UNC13A: variants seen among roughly 807,000 people sequenced by gnomAD.
UNC13A encodes the protein unc-13 homolog A.
In UNC13A, 61 loss-of-function variants were observed where a neutral mutation model predicts 219.7. The ratio of observed to expected loss-of-function variants is 0.28; its 90% CI spans 0.23 to 0.34. The LOEUF (loss-of-function observed/expected upper bound fraction) is 0.34, where lower values mean the gene tolerates loss of function less well. Ranked by LOEUF, UNC13A falls within the 10% of genes least tolerant of loss-of-function variation. UNC13A has a pLI of 1.00. For synonymous variants in UNC13A, 920 were observed against 884.6 expected, an observed-to-expected ratio of 1.04 and a Z score of -0.71; for missense variants, 1,476 against 2,270.3, an observed-to-expected ratio of 0.65 and a Z score of 7.11.
At chr19:17,661,563 G>A (rs1159726672) in intron 8 of UNC13A, among the ~76,000 whole-genome samples, 2 of 151,712 alleles carry the variant, frequency 1.3e-5, no homozygotes, top group Non-Finnish European at 2.9e-5. Flanking sequence ...GCATAGTGGC[G>A]TGCACCTGTA....
chr19:17,674,607 G>T lies in UNC13A; in HGVS notation c.152+50C>A, dbSNP rs367973055. The T allele has an allele frequency of 3.3e-4, 504 of 1,549,816 alleles. 3 individuals are homozygous for T. The African/African-American group carries it at 5.7e-3, about 18-fold the overall frequency. On this transcript the variant is annotated intron_variant, in intron 3 of 43. Coordinates refer to ENST00000519716, the MANE Select transcript of UNC13A (RefSeq NM_001080421.3). This position sits in a 1 kb window ranked among gnomAD's most constrained non-coding sequence, Gnocchi z 5.0. ...AGCTCTGCCCTGAGGGGCCAGCGAG[G>T]TGCTGGGCTATGCCAGGGAGTGAGG...
intron 17 of UNC13A, 112 bp downstream of exon 17, chr19:17,647,153 G>A (rs2077035884): frequency 3.9e-6 from 4 of 1,019,948 alleles, no homozygotes; most frequent in Non-Finnish European, 4.3e-6. Flanking sequence ...GAATGCACCC[G>A]ACCGAGTGAG....
At chr19:17,639,614 G>C in intron 23 of UNC13A, 89 bp from the exon 24 acceptor site, 1 of 1,410,116 alleles carries the variant, frequency 7.1e-7, no homozygotes, top group Non-Finnish European at 9.8e-7. Flanking sequence ...AAGGCTCCCC[G>C]GTTTCAGGCT....
chr19:17,646,233 G>T, intron 17 of UNC13A, 122 bp from the exon 18 acceptor site: 3 of 1,358,524 alleles, frequency 2.2e-6, no homozygotes, highest in Admixed American at 2.2e-5. Flanking sequence ...GAGAGCAATG[G>T]CAGGGCACGC....
At chr19:17,673,505 CAACATGGTGA>C (rs1482926952) in intron 3 of UNC13A, among the ~76,000 whole-genome samples, 1 of 151,418 alleles carries the variant, frequency 6.6e-6, no homozygotes, top group African/African-American at 2.4e-5. Flanking sequence ...CCAGCCTGGC[CAACATGGTGA>C]AACCCGGTCT....
At chr19:17,668,226 C>G in intron 5 of UNC13A, 36 bp from the exon 6 acceptor site, 1 of 1,592,666 alleles carries the variant, frequency 6.3e-7, no homozygotes, top group East Asian at 2.2e-5. Context: ...CCTGGAAGAC[C>G]CTCCCTGCCG....
rs1177216835 is a variant in UNC13A at position 17,620,716 on chromosome 19, C to T, written c.4249G>A (p.Val1417Met). 1 of 1,612,860 alleles carries T rather than the reference C, an allele frequency of 6.2e-7. No homozygotes were observed. The highest frequency in any genetic ancestry group is 8.5e-7 in the Non-Finnish European group (1 of 1,179,594). ...KHGKGLEKGRVKLPSHSDGTQ... is the reference protein window; with the variant it reads ...KHGKGLEKGRMKLPSHSDGTQ... ...ACGTCTGAGTGGCTTGGCAATTTCA[C>T]CCTGCCCTGTGGAGAGAATCAGGTG... Residue 1417 changes from valine (V) to methionine (M), a missense_variant, in exon 38 of 44, where the codon GTG becomes ATG. Transcript: ENST00000519716.
rs1301532055 is a variant in UNC13A at position 17,674,103 on chromosome 19, C to T, written c.152+554G>A. On this transcript the variant is annotated intron_variant, in intron 3 of 43. Coordinates refer to ENST00000519716, the MANE Select transcript of UNC13A (RefSeq NM_001080421.3). This position sits in a 1 kb window ranked among gnomAD's most constrained non-coding sequence, Gnocchi z 5.0. ...GCTTGGAGGTAGTGGTCAGGGAGGG[C>T]TTCACTGAGGAGGTGACACAAGCTG... Among the ~76,000 whole-genome samples, 2 of 152,202 alleles carry T rather than the reference C, an allele frequency of 1.3e-5. No homozygotes were observed. The highest frequency in any genetic ancestry group is 2.4e-5 in the African/African-American group (1 of 41,460).
intron 41 of UNC13A, among the ~76,000 whole-genome samples, 161 bp downstream of exon 41, chr19:17,617,541 T>G (rs577817425): frequency 6.6e-6 from 1 of 152,128 alleles, no homozygotes; most frequent in Admixed American, 6.5e-5. Flanking sequence ...CCCGCCCCCA[T>G]GAACCTTTGA....
rs2076536460 is a variant in UNC13A, at chr19:17,606,800, C to A, written c.4812-446G>T. Among the ~76,000 whole-genome samples the A allele has an allele frequency of 2.7e-5, 4 of 149,940 alleles. No homozygotes were observed. The South Asian group carries it at 8.5e-4, about 32-fold the overall frequency. ...ACCCACGACGTGGCCCTTTCCCCAG[C>A]CCCCCACACCCCCAGCCCACCCCTC... On this transcript the variant is annotated intron_variant, in intron 43 of 43. Transcript: ENST00000519716.
Position 17,647,465 on chromosome 19 carries a change from C to G in UNC13A, c.1844G>C (p.Gly615Ala). 1 of 1,613,242 alleles carries G rather than the reference C, an allele frequency of 6.2e-7. No individual in the cohort carries two copies. Among genetic ancestry groups the G allele is most frequent in the Non-Finnish European group, 8.5e-7 (1 of 1,179,748 alleles). Reference sequence around the variant, plus strand: ...GATGTTCTGTGTCCGGTCCTCCGCCCCGTGCTTGGAGCTCTTCTCCGCAGC... The same window carrying G: ...GATGTTCTGTGTCCGGTCCTCCGCCGCGTGCTTGGAGCTCTTCTCCGCAGC... ...QRAAEKSSKH[G>A]AEDRTQNIIM... The change falls in exon 17 of 44, where the codon GGG becomes GCG. Residue 615 changes from glycine to alanine, a missense_variant. Gly to Ala is a moderately conservative substitution (Grantham distance 60, BLOSUM62 0). Around this residue, in one of 14 missense-constraint regions of UNC13A, gnomAD observed 85 missense variants for 211.5 expected, o/e 0.40. Transcript: ENST00000519716.
In UNC13A at chr19:17,621,822, C is replaced by A; in HGVS notation, c.4242+10G>T. 13 of 1,613,834 alleles carry A rather than the reference C, an allele frequency of 8.1e-6. No homozygotes were observed. The highest frequency in any genetic ancestry group is 1.0e-5 in the Non-Finnish European group (12 of 1,179,786). On this transcript the variant is annotated intron_variant, in intron 37 of 43. Transcript: ENST00000519716. ...AGCTCAGGGCCTCAGTGAGACGAGG[C>A]CCTCATTACCTTTTCTAATCCCTTG...
chr19:17,666,199 T>TCTCTTTCTCTCTCTCTCTCTCTTTCTTTC (rs760106069), intron 7 of UNC13A, among the ~76,000 whole-genome samples: 7 of 144,058 alleles, frequency 4.9e-5, no homozygotes, highest in Non-Finnish European at 1.0e-4. Flanking sequence ...CTTTCTCTCT[T>TCTCTTTCTCTCTCTCTCTCTCTTTCTTTC]TCTTTCTCTT....
chr19:17,664,209 AC>A (rs1487319401), intron 7 of UNC13A, among the ~76,000 whole-genome samples: 3 of 151,588 alleles, frequency 2.0e-5, no homozygotes, highest in Non-Finnish European at 4.4e-5. Flanking sequence ...CCCAGTCTCC[AC>A]CCTTTTCCTC....
intron 43 of UNC13A, among the ~76,000 whole-genome samples, chr19:17,607,372 C>T (rs1367242800): frequency 1.4e-5 from 2 of 146,494 alleles, no homozygotes; most frequent in Non-Finnish European, 3.0e-5. Flanking sequence ...AACGATTCTT[C>T]TGCCTCAGCC....
chr19:17,644,503 T>G (rs895626101), intron 19 of UNC13A, among the ~76,000 whole-genome samples: 1 of 56,954 alleles, frequency 1.8e-5, no homozygotes, highest in Non-Finnish European at 4.3e-5. Context: ...TGGATTCCAT[T>G]TTTTTTTTCT....
At chr19:17,668,095 C>A in intron 6 of UNC13A, 22 bp downstream of exon 6, 1 of 1,611,176 alleles carries the variant, frequency 6.2e-7, no homozygotes, top group Non-Finnish European at 8.5e-7. Flanking sequence ...AAGAAACAGT[C>A]CCCTCCCACC....
intron 35 of UNC13A, among the ~76,000 whole-genome samples, chr19:17,623,946 C>T (rs139249396): frequency 8.9e-4 from 136 of 152,106 alleles, no homozygotes; most frequent in African/African-American, 3.1e-3. Flanking sequence ...CTCTGGATGG[C>T]CAATGATCTC....
At chr19:17,677,781 C>G (rs995164142) in intron 1 of UNC13A, among the ~76,000 whole-genome samples, 1 of 152,214 alleles carries the variant, frequency 6.6e-6, no homozygotes, top group Admixed American at 6.5e-5. Flanking sequence ...AGATGAGGCA[C>G]TGAGAATAAA....
Sources: allele counts gnomAD v4.1 joint callset (sites outside exome capture counted in the v4.1 genomes callset), GRCh38; gene constraint gnomAD v4.1.1; regional missense constraint gnomAD v4.1.1; non-coding constraint Gnocchi (gnomAD v3.1); transcripts MANE v1.5; gene names NCBI Gene and HGNC (gene_info 2026-07-23, HGNC 2026-07-21).